The following CTU1 variants were observed in gnomAD, a reference collection of about 807,000 sequenced individuals.
CTU1 encodes the protein cytoplasmic tRNA 2-thiolation protein 1.
In CTU1, 15 loss-of-function variants were observed where a neutral mutation model predicts 12.9. The ratio of observed to expected loss-of-function variants is 1.16; its 90% CI spans 0.78 to 1.79. CTU1 has a LOEUF of 1.79. Among genes scored for constraint, CTU1 ranks in the 40% most tolerant of loss-of-function variants. The pLI is 0.00. For synonymous variants in CTU1, 295 were observed against 275.6 expected (o/e 1.07, Z -0.70); for missense variants, 553 against 550.5 (o/e 1.00, Z -0.05).
rs562481846 is a variant in CTU1 at position 51,104,514 on chromosome 19, G to C, written c.56C>G (p.Pro19Arg). Residue 19 changes from proline to arginine, a missense_variant, in exon 2 of 3, where the codon CCG becomes CGG. Pro to Arg is a moderately radical substitution (Grantham distance 103). Coordinates refer to ENST00000421832, the MANE Select transcript of CTU1 (RefSeq NM_145232.4). ...ACCGCACAGCGCTTGGCCCGAGAGC[G>C]GACGGCGGAGGGCGGCGCGTGCAGC... ...CHAARAALRR[P>R]LSGQALCGAC... The C allele has an allele frequency of 3.7e-5, 47 of 1,276,184 alleles. No homozygotes were observed. The highest frequency in any genetic ancestry group is 4.5e-5 in the Non-Finnish European group (46 of 1,013,400). The allele number at this position is 1,276,184 out of a possible 1,614,324, so 79.1% of individuals were successfully genotyped here. A position where few individuals can be genotyped will look rare whatever the true frequency, so the allele number is the denominator to read the frequency against.
In CTU1 at chr19:51,098,569, G is replaced by A. The variant is rs1385399693; in HGVS notation, c.*32C>T. On this transcript the variant is annotated 3_prime_UTR_variant, in exon 3 of 3. Transcript: ENST00000421832. This position sits in a 1 kb window ranked among gnomAD's most constrained non-coding sequence, Gnocchi z 4.3. ...CATTTACAGGCAGCCCCCACCCCGC[G>A]GCATCAGATCCCGGCGGGAGGCCCG... The A allele has an allele frequency of 4.0e-6, 5 of 1,248,262 alleles. No homozygotes were observed. The highest frequency in any genetic ancestry group is 5.0e-6 in the Non-Finnish European group (5 of 993,046). 77.3% of individuals were successfully genotyped at this position (1,248,262 alleles called of 1,614,324 possible). A position where few individuals can be genotyped will look rare whatever the true frequency, so the allele number is the denominator to read the frequency against.
At chr19:51,106,177 C>T (rs1287229112) in intron 1 of CTU1, among the ~76,000 whole-genome samples, 3 of 152,210 alleles carry the variant, frequency 2.0e-5, no homozygotes, top group Non-Finnish European at 2.9e-5. Context: ...CTTGTTTCTC[C>T]AACCTCCTCT....
rs1325471071 is a variant in CTU1 at position 51,098,551 on chromosome 19, A to C, written c.*50T>G. On this transcript the variant is annotated 3_prime_UTR_variant, in exon 3 of 3. Coordinates refer to ENST00000421832, the MANE Select transcript of CTU1 (RefSeq NM_145232.4). The surrounding 1 kb of genome is among the most constrained non-coding windows in gnomAD (Gnocchi z 4.3). Reference sequence around the variant, plus strand: ...CGGGTTTATTCACAGTGTCATTTACAGGCAGCCCCCACCCCGCGGCATCAG... The same window carrying C: ...CGGGTTTATTCACAGTGTCATTTACCGGCAGCCCCCACCCCGCGGCATCAG... 17 of 1,230,476 alleles carry C rather than the reference A, an allele frequency of 1.4e-5. No homozygotes were observed. The African/African-American group carries it at 1.4e-4, about 10-fold the overall frequency. 76.2% of individuals were successfully genotyped at this position (1,230,476 alleles called of 1,614,324 possible). A position where few individuals can be genotyped will look rare whatever the true frequency, so the allele number is the denominator to read the frequency against.
Position 51,098,885 on chromosome 19 carries a change from G to T in CTU1, c.763C>A (p.Leu255Met). Reference sequence around the variant, plus strand: ...ACCGCGGACGGCCGCGCCGCCTCCAGGCGCTTGAGCAGGTCCCGGGCGTGG... The same window carrying T: ...ACCGCGGACGGCCGCGCCGCCTCCATGCGCTTGAGCAGGTCCCGGGCGTGG... ...RGHARDLLKR[L>M]EAARPSAVLD... The change falls in exon 3 of 3, where the codon CTG becomes ATG. Residue 255 changes from leucine to methionine, a missense_variant. Around this residue, in one of 2 missense-constraint regions of CTU1, gnomAD observed 500 missense variants for 458.5 expected, o/e 1.09. Coordinates refer to ENST00000421832, the MANE Select transcript of CTU1 (RefSeq NM_145232.4). The surrounding 1 kb of genome is among the most constrained non-coding windows in gnomAD (Gnocchi z 4.3). The T allele has an allele frequency of 6.8e-7, 1 of 1,471,284 alleles. No homozygotes were observed. The highest frequency in any genetic ancestry group is 2.1e-5 in the Admixed American group (1 of 48,258). 91.1% of individuals were successfully genotyped at this position (1,471,284 alleles called of 1,614,324 possible).
Position 51,098,957 on chromosome 19 carries a change from C to T in CTU1, c.691G>A (p.Asp231Asn), listed in dbSNP as rs772165210. Residue 231 changes from aspartate to asparagine, a missense_variant, in exon 3 of 3, where the codon GAC (aspartate) becomes AAC (asparagine). Transcript: ENST00000421832. This position sits in a 1 kb window ranked among gnomAD's most constrained non-coding sequence, Gnocchi z 4.3. ...TAGACGCACTCCTCGGAGAAGTAGT[C>T]GAGGCGGCGGAAGTGCGCGTACAGC... ...VVLYAHFRRL[D>N]YFSEECVYAP... is the part of the protein sequence containing the mutation. The T allele has an allele frequency of 8.5e-5, 131 of 1,543,838 alleles. No individual in the cohort carries two copies. Among genetic ancestry groups the T allele is most frequent in the Non-Finnish European group, 1.1e-4 (128 of 1,150,918 alleles).
chr19:51,098,750 G>C lies in CTU1; in HGVS notation c.898C>G (p.Gln300Glu), dbSNP rs1599805603. The part of the protein sequence containing the change: ...CGALASRALC[Q>E]ACALLDGLNR... ...AGGCCGTCCAGGAGCGCGCAGGCCTGGCAGAGCGCGCGGCTGGCCAGCGCC... is the reference window on the plus strand; with the variant it reads ...AGGCCGTCCAGGAGCGCGCAGGCCTCGCAGAGCGCGCGGCTGGCCAGCGCC... The change falls in exon 3 of 3, where the codon CAG becomes GAG. Residue 300 changes from glutamine (Q) to glutamate (E), a missense_variant. Around this residue, in one of 2 missense-constraint regions of CTU1, gnomAD observed 53 missense variants for 92.0 expected, o/e 0.58. Transcript: ENST00000421832. The surrounding 1 kb of genome is among the most constrained non-coding windows in gnomAD (Gnocchi z 4.3). 8.7e-7 allele frequency: 1 copy of C among 1,150,966 alleles called. No homozygotes were observed. The highest frequency in any genetic ancestry group is 4.3e-5 in the East Asian group (1 of 23,076). 71.3% of individuals were successfully genotyped at this position (1,150,966 alleles called of 1,614,324 possible).
chr19:51,101,240 C>A (rs1234940002), intron 2 of CTU1, among the ~76,000 whole-genome samples: 2 of 152,110 alleles, frequency 1.3e-5, no homozygotes, highest in Non-Finnish European at 2.9e-5. Context: ...TGTCACCACC[C>A]CTGTAATCAC....
Position 51,098,884 on chromosome 19 carries a change from A to C in CTU1, c.764T>G (p.Leu255Arg). 1 of 1,469,094 alleles carries C rather than the reference A, an allele frequency of 6.8e-7. No individual in the cohort carries two copies. Among genetic ancestry groups the C allele is most frequent in the Non-Finnish European group, 9.0e-7 (1 of 1,110,092 alleles). The allele number at this position is 1,469,094 out of a possible 1,614,324, so 91.0% of individuals were successfully genotyped here. ...CACCGCGGACGGCCGCGCCGCCTCC[A>C]GGCGCTTGAGCAGGTCCCGGGCGTG... ...RGHARDLLKRLEAARPSAVLD... is the reference protein window; with the variant it reads ...RGHARDLLKRREAARPSAVLD... The change falls in exon 3 of 3, where the codon CTG becomes CGG. Residue 255 changes from leucine (L) to arginine (R), a missense_variant. Transcript: ENST00000421832. The surrounding 1 kb of genome is among the most constrained non-coding windows in gnomAD (Gnocchi z 4.3).
chr19:51,099,376 G>C (rs1468104871), intron 2 of CTU1, among the ~76,000 whole-genome samples: 1 of 152,074 alleles, frequency 6.6e-6, no homozygotes, highest in Non-Finnish European at 1.5e-5. Flanking sequence ...AGACAGGGAG[G>C]GGGAGAGAGA....
In CTU1 at chr19:51,099,034, C is replaced by T. The variant is rs773312410; in HGVS notation, c.614G>A (p.Gly205Asp). ...GGGLGSPGEGGALPRCRPLQF... is the reference protein window; with the variant it reads ...GGGLGSPGEGDALPRCRPLQF... ...CAGCGGGCGGCAGCGCGGCAGGGCG[C>T]CCCCCTCGCCGGGAGAGCCCAGGCC... is the stretch of plus-strand genomic sequence containing the variant. Residue 205 changes from glycine (G) to aspartate (D), a missense_variant, in exon 3 of 3, where the codon GGC becomes GAC. Transcript: ENST00000421832. 27 of 1,509,032 alleles carry T rather than the reference C, an allele frequency of 1.8e-5. No individual in the cohort carries two copies. The highest frequency in any genetic ancestry group is 1.8e-4 in the Middle Eastern group (1 of 5,570). 93.5% of individuals were successfully genotyped at this position (1,509,032 alleles called of 1,614,324 possible).
Position 51,098,939 on chromosome 19 carries a change from A to C in CTU1, c.709T>G (p.Cys237Gly), listed in dbSNP as rs374689764. The C allele has an allele frequency of 1.4e-4, 217 of 1,539,322 alleles. No individual in the cohort carries two copies. The highest frequency in any genetic ancestry group is 1.8e-4 in the Non-Finnish European group (211 of 1,148,500). ...CGGAAGGCCTCGGGCGCGTAGACGC[A>C]CTCCTCGGAGAAGTAGTCGAGGCGG... ...FRRLDYFSEE[C>G]VYAPEAFRGH... Residue 237 changes from cysteine (C) to glycine (G), a missense_variant, in exon 3 of 3, where the codon TGC (cysteine) becomes GGC (glycine). This residue lies in a region of CTU1 where 500 missense variants were observed against 458.5 expected (regional missense o/e 1.09). Coordinates refer to ENST00000421832, the MANE Select transcript of CTU1 (RefSeq NM_145232.4). The surrounding 1 kb of genome is among the most constrained non-coding windows in gnomAD (Gnocchi z 4.3).
At chr19:51,107,143 A>C (rs1292800957) in intron 1 of CTU1, among the ~76,000 whole-genome samples, 1 of 152,146 alleles carries the variant, frequency 6.6e-6, no homozygotes, top group Non-Finnish European at 1.5e-5. Context: ...AAGGCTGCAC[A>C]AGTTAGCAGA....
chr19:51,098,950 A>G lies in CTU1; in HGVS notation c.698T>C (p.Phe233Ser), dbSNP rs999704274. 6.5e-7 allele frequency: 1 copy of G among 1,544,006 alleles called. No homozygotes were observed. Residue 233 changes from phenylalanine to serine, a missense_variant, in exon 3 of 3, where the codon TTC (phenylalanine) becomes TCC (serine). Physicochemically the swap from Phe to Ser is radical, Grantham distance 155. This residue lies in a region of CTU1 where 500 missense variants were observed against 458.5 expected (regional missense o/e 1.09). Coordinates refer to ENST00000421832, the MANE Select transcript of CTU1 (RefSeq NM_145232.4). The surrounding 1 kb of genome is among the most constrained non-coding windows in gnomAD (Gnocchi z 4.3). ...LYAHFRRLDY[F>S]SEECVYAPEA... ...GGGCGCGTAGACGCACTCCTCGGAG[A>G]AGTAGTCGAGGCGGCGGAAGTGCGC... is the stretch of plus-strand genomic sequence containing the variant.
In CTU1 at chr19:51,099,025, GGC is replaced by G; in HGVS notation, c.621_622del (p.Pro208AlafsTer262). On this transcript the variant is annotated frameshift_variant, in exon 3 of 3. Coordinates refer to ENST00000421832, the MANE Select transcript of CTU1 (RefSeq NM_145232.4). LOFTEE classifies it high-confidence loss of function. ...GGCGAACTGCAGCGGGCGGCAGCGCGGCAGGGCGCCCCCCTCGCCGGGAGAGC... is the reference window on the plus strand; with the variant it reads ...GGCGAACTGCAGCGGGCGGCAGCGCGAGGGCGCCCCCCTCGCCGGGAGAGC... The G allele has an allele frequency of 2.0e-6, 3 of 1,512,102 alleles. No individual in the cohort carries two copies. The Admixed American group carries it at 6.1e-5, about 31-fold the overall frequency. The allele number at this position is 1,512,102 out of a possible 1,614,324, so 93.7% of individuals were successfully genotyped here.
chr19:51,104,691 AC>A, intron 1 of CTU1, 101 bp from the exon 2 acceptor site: 1 of 943,766 alleles, frequency 1.1e-6, no homozygotes, highest in Non-Finnish European at 1.4e-6. Flanking sequence ...CCCGGAATAG[AC>A]CAGGGAGACG....
rs2091897662 is a variant in CTU1 at position 51,098,641 on chromosome 19, G to T, written c.1007C>A (p.Pro336Gln). ...GGCCTTGGAGGCGGGGGGCCGGGCC[G>T]GATCCCCGGGCGTCCCCGGCGTCGC... is the stretch of plus-strand genomic sequence containing the variant. ...EEATPGTPGD[P>Q]ARPPASKAVP... is the part of the protein sequence containing the mutation. The change falls in exon 3 of 3, where the codon CCG (proline) becomes CAG (glutamine). Residue 336 changes from proline to glutamine, a missense_variant. Pro to Gln is a moderately conservative substitution (Grantham distance 76). Coordinates refer to ENST00000421832, the MANE Select transcript of CTU1 (RefSeq NM_145232.4). The surrounding 1 kb of genome is among the most constrained non-coding windows in gnomAD (Gnocchi z 4.3). 1 of 1,310,932 alleles carries T rather than the reference G, an allele frequency of 7.6e-7. No individual in the cohort carries two copies. 81.2% of individuals were successfully genotyped at this position (1,310,932 alleles called of 1,614,324 possible).
At chr19:51,105,985 C>T (rs1162572958) in intron 1 of CTU1, among the ~76,000 whole-genome samples, 1 of 152,256 alleles carries the variant, frequency 6.6e-6, no homozygotes. Context: ...TGTCTCTCTC[C>T]TGGACGGCTG....
Position 51,098,935 on chromosome 19 carries a change from A to G in CTU1, c.713T>C (p.Val238Ala), listed in dbSNP as rs545524864. 35 of 1,538,038 alleles carry G rather than the reference A, an allele frequency of 2.3e-5. 1 individual carries two copies. The South Asian group carries it at 3.6e-4, about 16-fold the overall frequency. The change falls in exon 3 of 3, where the codon GTC becomes GCC. Residue 238 changes from valine (V) to alanine (A), a missense_variant. By Grantham distance (64) the Val-to-Ala change is moderately conservative (BLOSUM62 0). Around this residue, in one of 2 missense-constraint regions of CTU1, gnomAD observed 500 missense variants for 458.5 expected, o/e 1.09. Coordinates refer to ENST00000421832, the MANE Select transcript of CTU1 (RefSeq NM_145232.4). The surrounding 1 kb of genome is among the most constrained non-coding windows in gnomAD (Gnocchi z 4.3). ...GCCGCGGAAGGCCTCGGGCGCGTAGACGCACTCCTCGGAGAAGTAGTCGAG... is the reference window on the plus strand; with the variant it reads ...GCCGCGGAAGGCCTCGGGCGCGTAGGCGCACTCCTCGGAGAAGTAGTCGAG... ...RRLDYFSEEC[V>A]YAPEAFRGHA...
At chr19:51,099,256 C>T (rs2091901516) in intron 2 of CTU1, 117 bp from the exon 3 acceptor site, 2 of 907,210 alleles carry the variant, frequency 2.2e-6, no homozygotes, top group Middle Eastern at 3.5e-4. Context: ...AGGAGAGACC[C>T]ACGGAGACCC....
Sources: allele counts gnomAD v4.1 joint callset (sites outside exome capture counted in the v4.1 genomes callset), GRCh38; gene constraint gnomAD v4.1.1; regional missense constraint gnomAD v4.1.1; non-coding constraint Gnocchi (gnomAD v3.1); transcripts MANE v1.5; gene names NCBI Gene and HGNC (gene_info 2026-07-23, HGNC 2026-07-21).